SAXO1: variants seen among roughly 807,000 people sequenced by gnomAD.
SAXO1 encodes 4930500O09Rik.
A neutral mutation model predicts 17.5 loss-of-function variants in SAXO1; 21 were observed. The observed-to-expected ratio is 1.20, with a 90% CI of 0.85 to 1.72. The LOEUF (loss-of-function observed/expected upper bound fraction) is 1.72, where lower values mean the gene tolerates loss of function less well. SAXO1 is among the 40% of genes most tolerant of loss of function. The pLI is 0.00. For missense variants in SAXO1, 843 were observed against 596.0 expected, an observed-to-expected ratio of 1.41 and a Z score of -4.32; for synonymous variants, 274 against 216.5, an observed-to-expected ratio of 1.27 and a Z score of -2.33.
intron 3 of SAXO1, among the ~76,000 whole-genome samples, chr9:18,929,694 A>C (rs7871217): frequency 0.19 from 28,828 of 152,172 alleles, 3,096 homozygotes; most frequent in African/African-American, 0.28. Context: ...GTATATATTA[A>C]CTCACTTAAT....
At chr9:18,940,654 T>C (rs1831513019) in intron 3 of SAXO1, among the ~76,000 whole-genome samples, 1 of 152,166 alleles carries the variant, frequency 6.6e-6, no homozygotes, top group African/African-American at 2.4e-5. Context: ...AAGGCAAAGG[T>C]TGGTATCATA....
intron 1 of SAXO1, among the ~76,000 whole-genome samples, chr9:18,994,666 G>A (rs1055653888): frequency 1.3e-5 from 2 of 152,230 alleles, no homozygotes; most frequent in Non-Finnish European, 2.9e-5. Flanking sequence ...GGAGCACTCT[G>A]CTCGGGTAAG....
intron 2 of SAXO1, among the ~76,000 whole-genome samples, chr9:18,945,893 G>T (rs548630416): frequency 6.6e-6 from 1 of 152,280 alleles, no homozygotes; most frequent in African/African-American, 2.4e-5. Flanking sequence ...AAGATTCAAA[G>T]CTTCCAGCCT....
At chr9:18,970,516 G>T (rs1308795687) in intron 1 of SAXO1, among the ~76,000 whole-genome samples, 1 of 152,198 alleles carries the variant, frequency 6.6e-6, no homozygotes, top group Non-Finnish European at 1.5e-5. Flanking sequence ...AGAACTGGAA[G>T]TTCTGGATGA....
chr9:19,012,179 T>A (rs1588529027), intron 1 of SAXO1, among the ~76,000 whole-genome samples: 1 of 152,122 alleles, frequency 6.6e-6, no homozygotes, highest in African/African-American at 2.4e-5. Context: ...GGAAAAAAGA[T>A]GAGGCATATA....
rs772233893 is a variant in SAXO1 at position 18,941,658 on chromosome 9, C to A, written c.400G>T (p.Glu134Ter). ...DSKYPCSDKM[E>*]CLPTYKADYL... ...CCACCTTTATAAGTAGGCAAACACT[C>A]CATCTTGTCGCTACATGGATATTTA... Residue 134 changes from glutamate (E) to a stop codon, truncating the protein, a stop_gained, in exon 3 of 4, where the codon GAG becomes TAG. Transcript: ENST00000380534. LOFTEE classifies it low-confidence loss of function (END_TRUNC). 3 of 1,614,204 alleles carry A rather than the reference C, an allele frequency of 1.9e-6. No individual in the cohort carries two copies. The highest frequency in any genetic ancestry group is 1.7e-6 in the Non-Finnish European group (2 of 1,180,036).
chr9:19,007,312 A>C (rs1834525548), intron 1 of SAXO1, among the ~76,000 whole-genome samples: 1 of 152,160 alleles, frequency 6.6e-6, no homozygotes. Context: ...GTGCCACTGC[A>C]CTCCAGCCTG....
At chr9:19,020,440 C>A (rs910992447) in intron 1 of SAXO1, among the ~76,000 whole-genome samples, 2 of 151,978 alleles carry the variant, frequency 1.3e-5, no homozygotes, top group African/African-American at 2.4e-5. Context: ...CAACCTCCGC[C>A]TCCAAGGCTC....
chr9:19,034,432 C>G (rs749394467), upstream of SAXO1, among the ~76,000 whole-genome samples: 11 of 152,082 alleles, frequency 7.2e-5, no homozygotes, highest in Admixed American at 1.3e-4. Context: ...TATTACATGA[C>G]AAATGAAACT....
Position 18,977,900 on chromosome 9 carries a change from G to A in SAXO1, c.39-26963C>T, listed in dbSNP as rs571048545. On this transcript the variant is annotated intron_variant, in intron 1 of 3. Coordinates refer to ENST00000380534, the MANE Select transcript of SAXO1 (RefSeq NM_153707.4). ...ATGCCAGCTACTCGGGAGGGCTGAG[G>A]TGGGAGAATCACTTGAACCCGGGAG... Among the ~76,000 whole-genome samples the A allele has an allele frequency of 1.1e-4, 17 of 151,026 alleles. No individual in the cohort carries two copies. The South Asian group carries it at 3.6e-3, about 32-fold the overall frequency.
chr9:18,934,177 T>C (rs1831187881), intron 3 of SAXO1, among the ~76,000 whole-genome samples: 1 of 152,232 alleles, frequency 6.6e-6, no homozygotes, highest in Admixed American at 6.5e-5. Context: ...TGTGGATCTC[T>C]TTGTACTTAT....
chr9:19,000,603 A>G lies in SAXO1; in HGVS notation c.38+32268T>C, dbSNP rs369207344. Reference sequence around the variant, plus strand: ...TGGGAAGAGAGAAGCACCTCTGCCCAGCCACTGTGCAACCCTCCAAGTGTG... The same window carrying G: ...TGGGAAGAGAGAAGCACCTCTGCCCGGCCACTGTGCAACCCTCCAAGTGTG... On this transcript the variant is annotated intron_variant, in intron 1 of 3. Coordinates refer to ENST00000380534, the MANE Select transcript of SAXO1 (RefSeq NM_153707.4). 3.0e-3 allele frequency among the ~76,000 whole-genome samples: 459 copies of G among 152,326 alleles called. 8 individuals are homozygous for G. In the South Asian group the frequency reaches 0.044, roughly 15 times the overall value.
intron 3 of SAXO1, among the ~76,000 whole-genome samples, chr9:18,936,181 CG>C (rs1173460895): frequency 1.3e-5 from 2 of 151,906 alleles, no homozygotes; most frequent in African/African-American, 4.8e-5. Flanking sequence ...TCCACCAGCA[CG>C]CTCTTAAGTT....
chr9:18,985,949 T>C (rs963592935), intron 1 of SAXO1, among the ~76,000 whole-genome samples: 5 of 152,248 alleles, frequency 3.3e-5, no homozygotes, highest in African/African-American at 1.2e-4. Context: ...GACTTGCTCA[T>C]GGTTTCCTAC....
chr9:19,018,150 A>G (rs1212870203), intron 1 of SAXO1, among the ~76,000 whole-genome samples: 1 of 151,916 alleles, frequency 6.6e-6, no homozygotes, highest in Non-Finnish European at 1.5e-5. Flanking sequence ...CTGGGGCAAC[A>G]GAGCAAGACC....
chr9:18,998,727 A>G (rs921556279), intron 1 of SAXO1, among the ~76,000 whole-genome samples: 1 of 152,204 alleles, frequency 6.6e-6, no homozygotes, highest in African/African-American at 2.4e-5. Flanking sequence ...AGGTCAGGTT[A>G]CCCACAAAGG....
chr9:18,949,058 A>G (rs192515542), intron 2 of SAXO1, among the ~76,000 whole-genome samples: 1 of 152,276 alleles, frequency 6.6e-6, no homozygotes, highest in East Asian at 1.9e-4. Flanking sequence ...CACACTTCTT[A>G]TTATGGTCTT....
intron 1 of SAXO1, among the ~76,000 whole-genome samples, chr9:19,031,747 G>A (rs1440309567): frequency 6.6e-6 from 1 of 152,118 alleles, no homozygotes; most frequent in African/African-American, 2.4e-5. Context: ...AGTTGACAGG[G>A]CCCACTCTGA....
intron 3 of SAXO1, among the ~76,000 whole-genome samples, chr9:18,936,296 T>A (rs1484151251): frequency 6.6e-6 from 1 of 152,310 alleles, no homozygotes; most frequent in African/African-American, 2.4e-5. Flanking sequence ...TATCAGCATC[T>A]TGAAAGCATT....
Sources: gnomAD v4.1 joint callset for allele counts (sites outside exome capture counted in the v4.1 genomes callset) on GRCh38, gnomAD v4.1.1 for gene constraint, MANE v1.5 for transcripts, NCBI Gene and HGNC (gene_info 2026-07-23, HGNC 2026-07-21) for gene names.